Variants in RP1L1 observed in about 807,000 individuals in gnomAD.
The protein encoded by RP1L1 is retinitis pigmentosa 1-like 1 protein.
Under a neutral mutation model 15.7 loss-of-function variants are expected in RP1L1, and 27 were observed. The observed-to-expected ratio is 1.72, with a 90% confidence interval of 1.27 to 2.38. The LOEUF (loss-of-function observed/expected upper bound fraction) is 2.38. Ranked by LOEUF, RP1L1 falls within the 30% of genes most tolerant of loss-of-function variation. The pLI is 0.00. For missense variants in RP1L1, 4,798 were observed against 3,075.9 expected (o/e 1.56, Z -13.24); for synonymous variants, 1,813 against 1,276.7 (o/e 1.42, Z -8.96).
In RP1L1 at chr8:10,610,852, G is replaced by T. The variant is rs765734454; in HGVS notation, c.3246C>A (p.Ser1082=). The T allele has an allele frequency of 3.7e-6, 6 of 1,608,440 alleles. No individual in the cohort carries two copies. Among genetic ancestry groups the T allele is most frequent in the Non-Finnish European group, 5.1e-6 (6 of 1,177,054 alleles). The change falls in exon 4 of 4, where the codon TCC becomes TCA. Residue 1082 remains serine, a synonymous_variant. Transcript: ENST00000382483. The stretch of plus-strand genomic sequence containing the variant: ...CCATCAGCGCCCTCATGATCTGCGT[G>T]GAGGCAGACACCCGGCCAGGAAGTG... ...LRALPGRVSA[S]TQIMRALMGS... is the part of the protein sequence containing the mutation.
Position 10,611,312 on chromosome 8 carries a change from C to T in RP1L1, c.2786G>A (p.Arg929Lys). The change falls in exon 4 of 4, where the codon AGG becomes AAG. Residue 929 changes from arginine to lysine, a missense_variant. Arg to Lys is a conservative substitution (Grantham distance 26, BLOSUM62 2). Coordinates refer to ENST00000382483, the MANE Select transcript of RP1L1 (RefSeq NM_178857.6). Reference sequence around the variant, plus strand: ...CTGCCCCTGGGGGCCTCCCCCACTCCTCAAGGTCTTCTCCTCGGACAGCCC... The same window carrying T: ...CTGCCCCTGGGGGCCTCCCCCACTCTTCAAGGTCTTCTCCTCGGACAGCCC... Reference protein sequence around the residue: ...SRGLSEEKTLRSGGGPQGQEE... With the variant: ...SRGLSEEKTLKSGGGPQGQEE... 4 of 1,612,982 alleles carry T rather than the reference C, an allele frequency of 2.5e-6. No individual in the cohort carries two copies. Among genetic ancestry groups the T allele is most frequent in the Non-Finnish European group, 3.4e-6 (4 of 1,180,022 alleles).
At chr8:10,632,545 G>A (rs756929529) in intron 1 of RP1L1, among the ~76,000 whole-genome samples, 9 of 152,076 alleles carry the variant, frequency 5.9e-5, no homozygotes, top group African/African-American at 9.7e-5. Context: ...CCTTGTCTCC[G>A]CTCCTCTCAT....
intron 1 of RP1L1, among the ~76,000 whole-genome samples, chr8:10,629,294 C>A (rs901834101): frequency 0.12 from 8 of 66 alleles, no homozygotes; most frequent in Admixed American, 0.3. Context: ...ATGGGCCCTG[C>A]CTGGGGGCTA....
intron 1 of RP1L1, among the ~76,000 whole-genome samples, chr8:10,628,287 C>G (rs1798188585): frequency 6.6e-6 from 1 of 152,198 alleles, no homozygotes; most frequent in Admixed American, 6.5e-5. Context: ...TGAGAGACCT[C>G]TTGAGAAATT....
rs1797755212 is a variant in RP1L1 at position 10,608,434 on chromosome 8, T to G, written c.5664A>C (p.Glu1888Asp). Reference sequence around the variant, plus strand: ...ATTCTGCCTCTGGGGTCTCTACATCTTCTGACTCTGGCTGGGCCTCTCCTT... The same window carrying G: ...ATTCTGCCTCTGGGGTCTCTACATCGTCTGACTCTGGCTGGGCCTCTCCTT... The part of the protein sequence containing the change: ...EAEGEAQPES[E>D]DVETPEAEWE... The change falls in exon 4 of 4, where the codon GAA becomes GAC. Residue 1888 changes from glutamate to aspartate, a missense_variant. By Grantham distance (45) the Glu-to-Asp change is conservative. Transcript: ENST00000382483. The G allele has an allele frequency of 1.2e-6, 2 of 1,601,314 alleles. No homozygotes were observed.
At chr8:10,631,765 G>A (rs1798256171) in intron 1 of RP1L1, among the ~76,000 whole-genome samples, 1 of 152,210 alleles carries the variant, frequency 6.6e-6, no homozygotes, top group Admixed American at 6.5e-5. Context: ...GAGGCCGAAG[G>A]GAAGCAGCCC....
chr8:10,643,097 G>C (rs796876653), intron 1 of RP1L1, among the ~76,000 whole-genome samples: 14 of 152,276 alleles, frequency 9.2e-5, no homozygotes, highest in African/African-American at 3.4e-4. Context: ...AGCACTTTGG[G>C]AGGCCAAGGC....
intron 1 of RP1L1, among the ~76,000 whole-genome samples, chr8:10,642,481 G>A (rs932813729): frequency 1.3e-5 from 2 of 152,188 alleles, no homozygotes; most frequent in African/African-American, 4.8e-5. Context: ...TGGGGCTACA[G>A]ATGCCATTTT....
At chr8:10,650,164 C>G (rs561362288) in intron 1 of RP1L1, among the ~76,000 whole-genome samples, 2 of 152,290 alleles carry the variant, frequency 1.3e-5, no homozygotes, top group East Asian at 1.9e-4. Context: ...CTGCAACCAC[C>G]ACGTGATCAT....
intron 2 of RP1L1, among the ~76,000 whole-genome samples, chr8:10,620,761 A>G (rs561153935): frequency 3.2e-4 from 49 of 152,344 alleles, no homozygotes; most frequent in African/African-American, 1.1e-3. Context: ...AGGGGGAAAT[A>G]GGGCTACTAT....
rs144176607 is a variant in RP1L1, at chr8:10,631,160, C to A, written c.-19-7940G>T. Among the ~76,000 whole-genome samples, 44 of 152,160 alleles carry A rather than the reference C, an allele frequency of 2.9e-4. No individual in the cohort carries two copies. In the South Asian group the frequency reaches 7.3e-3, roughly 25 times the overall value. ...AGATCAACCAGCAGGATATTTTAGA[C>A]GGCCCAGGCGAGAATGTTGTCATGG... On this transcript the variant is annotated intron_variant, in intron 1 of 3. Coordinates refer to ENST00000382483, the MANE Select transcript of RP1L1 (RefSeq NM_178857.6).
At chr8:10,630,517 G>A (rs1447029605) in intron 1 of RP1L1, among the ~76,000 whole-genome samples, 1 of 152,238 alleles carries the variant, frequency 6.6e-6, no homozygotes, top group Non-Finnish European at 1.5e-5. Context: ...GAAAGAAAAT[G>A]TCAAGACAAA....
rs560006418 is a variant in RP1L1 at position 10,607,457 on chromosome 8, G to A, written c.6641C>T (p.Ala2214Val). ...CTGGGCCTCCTCTTCAGCCTCCGGG[G>A]CCTCTACACCTTCTAACTCTGGTTG... The part of the protein sequence containing the change: ...EAQPELEGVE[A>V]PEAEEEAQPE... The change falls in exon 4 of 4, where the codon GCC (alanine) becomes GTC (valine). Residue 2214 changes from alanine (A) to valine (V), a missense_variant. Ala to Val is a moderately conservative substitution (Grantham distance 64). Transcript: ENST00000382483. 1.7e-5 allele frequency: 27 copies of A among 1,613,504 alleles called. No individual in the cohort carries two copies. The African/African-American group carries it at 2.9e-4, about 18-fold the overall frequency.
At position 10,622,973 on chromosome 8, in the gene RP1L1, C is replaced by T. The variant is rs1349606465; in HGVS notation, c.229G>A (p.Gly77Arg). 1 of 1,614,116 alleles carries T rather than the reference C, an allele frequency of 6.2e-7. No homozygotes were observed. The change falls in exon 2 of 4, where the codon GGG becomes AGG. Residue 77 changes from glycine to arginine, a missense_variant. Physicochemically the swap from Gly to Arg is moderately radical, Grantham distance 125. Coordinates refer to ENST00000382483, the MANE Select transcript of RP1L1 (RefSeq NM_178857.6). ...ELSQRVPLSF[G>R]VRSVTTPRGL... is the part of the protein sequence containing the mutation. ...CGGGGTGTGGTGACAGAGCGCACCC[C>T]AAAGGAGAGAGGCACGCGCTGGGAG...
In RP1L1 at chr8:10,612,675, T is replaced by A. The variant is rs752352945; in HGVS notation, c.1423A>T (p.Thr475Ser). The change falls in exon 4 of 4, where the codon ACC becomes TCC. Residue 475 changes from threonine to serine, a missense_variant. Thr to Ser is a moderately conservative substitution (Grantham distance 58, BLOSUM62 1). Coordinates refer to ENST00000382483, the MANE Select transcript of RP1L1 (RefSeq NM_178857.6). ...GCACTGTCCACCCCGTCCTCCGGGG[T>A]CCTGGGGCAGCAGGAGGACTCTGGC... ...SEPESSCCPR[T>S]PEDGVDSASP... is the part of the protein sequence containing the mutation. The A allele has an allele frequency of 1.2e-6, 2 of 1,601,056 alleles. No homozygotes were observed. Among genetic ancestry groups the A allele is most frequent in the East Asian group, 4.5e-5 (2 of 44,692 alleles).
intron 3 of RP1L1, among the ~76,000 whole-genome samples, chr8:10,616,042 C>T (rs761444687): frequency 2.0e-5 from 3 of 152,156 alleles, no homozygotes; most frequent in Non-Finnish European, 4.4e-5. Context: ...GTAGCTGAAA[C>T]TATAGGCATG....
At chr8:10,644,825 C>G (rs748481359) in intron 1 of RP1L1, among the ~76,000 whole-genome samples, 3 of 152,164 alleles carry the variant, frequency 2.0e-5, no homozygotes, top group Non-Finnish European at 4.4e-5. Context: ...CTATGGGGCT[C>G]TAATGTACAG....
rs765685639 is a variant in RP1L1, at chr8:10,607,450, C to T, written c.6648G>A (p.Glu2216=). The T allele has an allele frequency of 1.7e-5, 28 of 1,613,562 alleles. No individual in the cohort carries two copies. In the African/African-American group the frequency reaches 2.0e-4, roughly 12 times the overall value. ...GCTCTGGCTGGGCCTCCTCTTCAGCCTCCGGGGCCTCTACACCTTCTAACT... is the reference window on the plus strand; with the variant it reads ...GCTCTGGCTGGGCCTCCTCTTCAGCTTCCGGGGCCTCTACACCTTCTAACT... The part of the protein sequence containing the change: ...QPELEGVEAP[E]AEEEAQPEPE... The change falls in exon 4 of 4, where the codon GAG becomes GAA. Residue 2216 remains glutamate (E), a synonymous_variant. Coordinates refer to ENST00000382483, the MANE Select transcript of RP1L1 (RefSeq NM_178857.6).
chr8:10,652,344 T>C (rs1798574897), intron 1 of RP1L1, among the ~76,000 whole-genome samples: 3 of 152,320 alleles, frequency 2.0e-5, no homozygotes, highest in Middle Eastern at 3.4e-3. Flanking sequence ...GCTGACAATA[T>C]AGATATCCAT....
Sources: gnomAD v4.1 joint callset for allele counts (sites outside exome capture counted in the v4.1 genomes callset) on GRCh38, gnomAD v4.1.1 for gene constraint, MANE v1.5 for transcripts, NCBI Gene and HGNC (gene_info 2026-07-23, HGNC 2026-07-21) for gene names.